MAP4K5: variants seen among roughly 807,000 people sequenced by gnomAD.
MAP4K5 encodes the protein MAPK/ERK kinase kinase kinase 5.
In MAP4K5, 82 loss-of-function variants were observed where a neutral mutation model predicts 135.6. The ratio of observed to expected loss-of-function variants is 0.60; its 90% CI spans 0.51 to 0.73. The LOEUF (loss-of-function observed/expected upper bound fraction) is 0.73. MAP4K5 is among the 30% of genes least tolerant of loss of function. The pLI, the probability that MAP4K5 is intolerant of heterozygous loss-of-function variation, is 0.00. For missense variants in MAP4K5, 907 were observed against 1,010.9 expected (o/e 0.90, Z 1.39); for synonymous variants, 347 against 335.0 (o/e 1.04, Z -0.39).
At chr14:50,530,036 G>A (rs993396452) in intron 2 of MAP4K5, among the ~76,000 whole-genome samples, 1 of 152,176 alleles carries the variant, frequency 6.6e-6, no homozygotes, top group Non-Finnish European at 1.5e-5. Context: ...CAAAAGACAA[G>A]GAGCTAAGAA....
upstream of MAP4K5, among the ~76,000 whole-genome samples, chr14:50,537,056 G>A (rs569159618): frequency 6.6e-6 from 1 of 152,362 alleles, no homozygotes; most frequent in African/African-American, 2.4e-5. Context: ...CGTGTCAGAG[G>A]TCTTCATGGC....
chr14:50,477,649 C>A (rs1461450590), intron 6 of MAP4K5, among the ~76,000 whole-genome samples: 9 of 152,088 alleles, frequency 5.9e-5, no homozygotes, highest in Non-Finnish European at 7.3e-5. Flanking sequence ...AAGTTCCTTT[C>A]TATTCCTACC....
chr14:50,481,241 C>T (rs181647035), intron 6 of MAP4K5, among the ~76,000 whole-genome samples: 6 of 150,360 alleles, frequency 4.0e-5, no homozygotes, highest in African/African-American at 7.3e-5. Flanking sequence ...GTTATGTAAA[C>T]GTTATAGGAA....
rs17718015 is a variant in MAP4K5 at position 50,440,410 on chromosome 14, A to G, written c.1596T>C (p.Gly532=). ...DQYIIFGTED[G]IYTLNLNELH... Reference sequence around the variant, plus strand: ...GCTCATTGAGATTCAGTGTGTAAATACCATCTTCAGTTCCAAAAATAATGT... The same window carrying G: ...GCTCATTGAGATTCAGTGTGTAAATGCCATCTTCAGTTCCAAAAATAATGT... Residue 532 remains glycine (G), a synonymous_variant, in exon 22 of 33, where the codon GGT becomes GGC. Transcript: ENST00000682126. 0.028 allele frequency: 44,957 copies of G among 1,600,524 alleles called. 1,261 individuals carry two copies. Among genetic ancestry groups the G allele is most frequent in the Admixed American group, 0.15 (8,863 of 58,872 alleles).
chr14:50,438,297 A>C lies in MAP4K5; in HGVS notation c.1706-203T>G, dbSNP rs1333833248. On this transcript the variant is annotated intron_variant, in intron 23 of 32. Transcript: ENST00000682126. The stretch of plus-strand genomic sequence containing the variant: ...CTTAATGATGCCAGCACACAAAAAG[A>C]AATTGTTGTACAAAATCTTATGTTA... The C allele has an allele frequency of 9.0e-6, 3 of 334,558 alleles. No individual in the cohort carries two copies. The Admixed American group carries it at 1.4e-4, about 15-fold the overall frequency. 20.7% of individuals were successfully genotyped at this position (334,558 alleles called of 1,614,324 possible).
At chr14:50,522,138 C>T (rs1357394750) in intron 2 of MAP4K5, among the ~76,000 whole-genome samples, 1 of 152,046 alleles carries the variant, frequency 6.6e-6, no homozygotes, top group African/African-American at 2.4e-5. Context: ...CATTTGTCTT[C>T]ATAAAATACA....
intron 1 of MAP4K5, among the ~76,000 whole-genome samples, chr14:50,555,047 G>A (rs61476576): frequency 0.21 from 31,272 of 152,118 alleles, 3,924 homozygotes; most frequent in Middle Eastern, 0.29. Flanking sequence ...AATGAGGTGG[G>A]ACATGGTAGG....
At chr14:50,445,489 G>A (rs886705658) in intron 17 of MAP4K5, among the ~76,000 whole-genome samples, 2 of 152,128 alleles carry the variant, frequency 1.3e-5, no homozygotes, top group African/African-American at 4.8e-5. Context: ...GTAGTCATAA[G>A]AATGATAAAT....
intron 3 of MAP4K5, among the ~76,000 whole-genome samples, chr14:50,487,831 T>C (rs2037399650): frequency 6.6e-6 from 1 of 152,146 alleles, no homozygotes; most frequent in Non-Finnish European, 1.5e-5. Flanking sequence ...TTTCTTCTTT[T>C]ATATCACTCC....
Position 50,447,436 on chromosome 14 carries a change from C to A in MAP4K5, c.1120G>T (p.Val374Phe). The A allele has an allele frequency of 6.4e-7, 1 of 1,551,504 alleles. No individual in the cohort carries two copies. The highest frequency in any genetic ancestry group is 8.7e-7 in the Non-Finnish European group (1 of 1,146,542). Residue 374 changes from valine to phenylalanine, a missense_variant, in exon 16 of 33, where the codon GTT becomes TTT. Transcript: ENST00000682126. Reference protein sequence around the residue: ...PNFMLQWNPFVDGANTGKSTS... With the variant: ...PNFMLQWNPFFDGANTGKSTS... ...TACTTGCCAGTATTTGCACCATCAACAAAAGGATTCCACTGTAACATGAAA... is the reference window on the plus strand; with the variant it reads ...TACTTGCCAGTATTTGCACCATCAAAAAAAGGATTCCACTGTAACATGAAA...
At chr14:50,515,182 G>C (rs959166717) in intron 2 of MAP4K5, among the ~76,000 whole-genome samples, 1 of 152,146 alleles carries the variant, frequency 6.6e-6, no homozygotes, top group Non-Finnish European at 1.5e-5. Flanking sequence ...GATTACAGGC[G>C]TGAGCCATTG....
chr14:50,436,117 A>C (rs944238448), intron 26 of MAP4K5, among the ~76,000 whole-genome samples: 6 of 152,214 alleles, frequency 3.9e-5, no homozygotes, highest in Non-Finnish European at 1.5e-5. Context: ...AAACAAAAGA[A>C]TAAATAGGAA....
At chr14:50,486,479 A>T (rs2037366034) in intron 3 of MAP4K5, among the ~76,000 whole-genome samples, 1 of 152,188 alleles carries the variant, frequency 6.6e-6, no homozygotes, top group African/African-American at 2.4e-5. Context: ...TGGTTAAATA[A>T]ATTACAGTAC....
At chr14:50,463,986 C>G in intron 12 of MAP4K5, 66 bp downstream of exon 12, 1 of 714,634 alleles carries the variant, frequency 1.4e-6, no homozygotes, top group East Asian at 4.3e-5. Context: ...AACATAAATA[C>G]TTTTGTTCTA....
chr14:50,490,982 GGGATGAACT>G (rs2037471403), intron 3 of MAP4K5, among the ~76,000 whole-genome samples: 1 of 152,112 alleles, frequency 6.6e-6, no homozygotes, highest in Admixed American at 6.5e-5. Context: ...TCATACTCTG[GGGATGAACT>G]GGAGTAAGTC....
intron 2 of MAP4K5, among the ~76,000 whole-genome samples, chr14:50,515,614 G>T (rs906772620): frequency 6.6e-6 from 1 of 152,100 alleles, no homozygotes; most frequent in Non-Finnish European, 1.5e-5. Flanking sequence ...GAAAAAAAAT[G>T]ACAAAATCAT....
upstream of MAP4K5, among the ~76,000 whole-genome samples, chr14:50,534,269 G>C (rs757141008): frequency 6.6e-6 from 1 of 152,118 alleles, no homozygotes; most frequent in Non-Finnish European, 1.5e-5. Context: ...AAATAAGTGG[G>C]CAAACTAGTA....
chr14:50,445,010 A>C (rs1595444630), intron 18 of MAP4K5, 31 bp downstream of exon 18: 2 of 1,595,224 alleles, frequency 1.3e-6, no homozygotes, highest in Non-Finnish European at 8.6e-7. Flanking sequence ...AGCCATATGT[A>C]CCCCATGGCT....
chr14:50,465,193 C>A (rs1383423586), intron 11 of MAP4K5, among the ~76,000 whole-genome samples: 1 of 152,176 alleles, frequency 6.6e-6, no homozygotes, highest in Non-Finnish European at 1.5e-5. Flanking sequence ...AAACATAAAG[C>A]AGTGGTTGAG....
Sources: allele counts gnomAD v4.1 joint callset (sites outside exome capture counted in the v4.1 genomes callset), GRCh38; gene constraint gnomAD v4.1.1; transcripts MANE v1.5; gene names NCBI Gene and HGNC (gene_info 2026-07-23, HGNC 2026-07-21).